Variants in GREB1L observed in about 807,000 individuals in gnomAD.
The protein encoded by GREB1L is GREB1-like protein.
A neutral mutation model predicts 200.8 loss-of-function variants in GREB1L; 17 were observed. The ratio of observed to expected loss-of-function variants is 0.08; its 90% CI spans 0.06 to 0.13. The LOEUF (loss-of-function observed/expected upper bound fraction) is 0.13. Ranked by LOEUF, GREB1L falls within the 10% of genes least tolerant of loss-of-function variation. The pLI, the probability that GREB1L is intolerant of heterozygous loss-of-function variation, is 1.00. For missense variants in GREB1L, 1,657 were observed against 2,367.7 expected (o/e 0.70, Z 6.23); for synonymous variants, 789 against 893.0 (o/e 0.88, Z 2.08).
At chr18:21,394,661 T>TACTG (rs1317772477) in intron 4 of GREB1L, among the ~76,000 whole-genome samples, 1 of 152,262 alleles carries the variant, frequency 6.6e-6, no homozygotes, top group East Asian at 1.9e-4. Context: ...AATTCTGAGC[T>TACTG]TCAGTCTTTT....
intron 1 of GREB1L, among the ~76,000 whole-genome samples, chr18:21,355,588 A>G (rs1325127126): frequency 2.0e-5 from 3 of 152,318 alleles, no homozygotes; most frequent in Admixed American, 6.5e-5. Context: ...ACCACAGACT[A>G]AACCCTGTGG....
chr18:21,401,775 T>C (rs2144531182), intron 6 of GREB1L: 1 of 152,980 alleles, frequency 6.5e-6, no homozygotes, highest in Non-Finnish European at 1.5e-5. Context: ...AAATACACTA[T>C]TAAGTTGTCC....
In GREB1L at chr18:21,481,743, T is replaced by C. The variant is rs377387143; in HGVS notation, c.2557-3877T>C. Among the ~76,000 whole-genome samples the C allele has an allele frequency of 1.5e-4, 23 of 152,258 alleles. 1 individual carries two copies. The South Asian group carries it at 4.8e-3, about 32-fold the overall frequency. ...CTTATATAAATGGAAACATGGAGTA[T>C]GTACTCTCTTGTATCTGACTTCCTT... is the stretch of plus-strand genomic sequence containing the variant. On this transcript the variant is annotated intron_variant, in intron 17 of 32. Transcript: ENST00000424526.
intron 21 of GREB1L, among the ~76,000 whole-genome samples, chr18:21,497,366 G>A (rs543324276): frequency 2.8e-4 from 43 of 152,162 alleles, no homozygotes; most frequent in Non-Finnish European, 6.0e-4. Flanking sequence ...GGAAAATGTC[G>A]GCCGGGTGCA....
intron 1 of GREB1L, among the ~76,000 whole-genome samples, chr18:21,323,493 CTT>C (rs1270816416): frequency 2.0e-5 from 3 of 152,134 alleles, no homozygotes; most frequent in Non-Finnish European, 4.4e-5. Context: ...ATAAATGGCT[CTT>C]AAACTTGAAA....
At chr18:21,484,633 G>A (rs1198720984) in intron 17 of GREB1L, among the ~76,000 whole-genome samples, 1 of 152,020 alleles carries the variant, frequency 6.6e-6, no homozygotes, top group Admixed American at 6.6e-5. Flanking sequence ...CCTGGCCAAC[G>A]TGGCGAAACC....
intron 14 of GREB1L, 36 bp from the exon 15 acceptor site, chr18:21,454,328 AAT>A: frequency 7.0e-7 from 1 of 1,438,678 alleles, no homozygotes; most frequent in Non-Finnish European, 9.6e-7. Context: ...TAGGGAAGTA[AAT>A]TAACCTTGTT....
intron 30 of GREB1L, among the ~76,000 whole-genome samples, chr18:21,517,057 A>G (rs2037446055): frequency 6.6e-6 from 1 of 151,914 alleles, no homozygotes; most frequent in South Asian, 2.1e-4. Context: ...TATTTTTAGT[A>G]GAGATGGGGT....
chr18:21,307,924 C>G (rs2038728762), intron 1 of GREB1L, among the ~76,000 whole-genome samples: 1 of 152,208 alleles, frequency 6.6e-6, no homozygotes, highest in African/African-American at 2.4e-5. Flanking sequence ...GGAGTGGTAA[C>G]AGTTCTGCCG....
chr18:21,408,062 A>C (rs1227538388), intron 7 of GREB1L, among the ~76,000 whole-genome samples: 1 of 152,244 alleles, frequency 6.6e-6, no homozygotes, highest in Non-Finnish European at 1.5e-5. Flanking sequence ...GCAGAGCAGC[A>C]TGACTATAGT....
At chr18:21,306,053 G>A (rs917549743) in intron 1 of GREB1L, among the ~76,000 whole-genome samples, 4 of 152,142 alleles carry the variant, frequency 2.6e-5, no homozygotes, top group African/African-American at 9.6e-5. Flanking sequence ...TGTATTCCTA[G>A]CAAACATCAC....
At chr18:21,516,425 C>T (rs1226121313) in intron 29 of GREB1L, among the ~76,000 whole-genome samples, 188 bp from the exon 30 acceptor site, 1 of 152,160 alleles carries the variant, frequency 6.6e-6, no homozygotes, top group African/African-American at 2.4e-5. Context: ...TCACTTTCCC[C>T]TTCCTTGAAA....
intron 1 of GREB1L, among the ~76,000 whole-genome samples, chr18:21,323,750 A>T (rs928170380): frequency 3.6e-4 from 55 of 151,006 alleles, no homozygotes; most frequent in African/African-American, 1.2e-3. Context: ...ATCTCTAAAA[A>T]TTTTTTTTTT....
At chr18:21,330,447 C>A (rs73432759) in intron 1 of GREB1L, among the ~76,000 whole-genome samples, 1 of 152,140 alleles carries the variant, frequency 6.6e-6, no homozygotes, top group Non-Finnish European at 1.5e-5. Flanking sequence ...ATACTGGGTG[C>A]GCTCTTACCA....
At position 21,321,530 on chromosome 18, in the gene GREB1L, C is replaced by A. The variant is rs1172190806; in HGVS notation, c.-119-44497C>A. On this transcript the variant is annotated intron_variant, in intron 1 of 32. Transcript: ENST00000424526. ...AGAAACCCCGTCTCTACTAAAAATA[C>A]AAAAAAATTAGCTGGGCATGGTGGC... 2.0e-5 allele frequency among the ~76,000 whole-genome samples: 3 copies of A among 151,238 alleles called. No homozygotes were observed. The East Asian group carries it at 5.9e-4, about 30-fold the overall frequency.
At chr18:21,356,080 G>T (rs1183947920) in intron 1 of GREB1L, among the ~76,000 whole-genome samples, 1 of 143,032 alleles carries the variant, frequency 7.0e-6, no homozygotes, top group Non-Finnish European at 1.5e-5. Context: ...TCCACCTCCC[G>T]GGTTCACGCC....
chr18:21,403,630 A>T (rs555437264), intron 6 of GREB1L, among the ~76,000 whole-genome samples: 80 of 152,350 alleles, frequency 5.3e-4, no homozygotes, highest in African/African-American at 1.9e-3. Flanking sequence ...TCTGGGAACT[A>T]GTATGTAGGG....
At chr18:21,454,957 G>A (rs1394122090) in intron 15 of GREB1L, 1 of 253,946 alleles carries the variant, frequency 3.9e-6, no homozygotes, top group Non-Finnish European at 7.7e-6. Context: ...TGGCCATCTA[G>A]CACATTAACA....
At chr18:21,376,958 CTA>C (rs1491415770) in intron 2 of GREB1L, among the ~76,000 whole-genome samples, 1 of 151,712 alleles carries the variant, frequency 6.6e-6, no homozygotes, top group Non-Finnish European at 1.5e-5. Context: ...AAAGGACAAA[CTA>C]TATTAAATAT....
Sources: allele counts gnomAD v4.1 joint callset (sites outside exome capture counted in the v4.1 genomes callset), GRCh38; gene constraint gnomAD v4.1.1; transcripts MANE v1.5; gene names NCBI Gene and HGNC (gene_info 2026-07-23, HGNC 2026-07-21).